KCNJ16: variants seen among roughly 807,000 people sequenced by gnomAD.
KCNJ16 encodes the protein potassium inwardly rectifying channel subfamily J member 16, also known as inward rectifier potassium channel 16.
KCNJ16 carries 15 observed loss-of-function variants against 18.5 expected under a neutral mutation model. The ratio of observed to expected loss-of-function variants is 0.81; its 90% confidence interval spans 0.54 to 1.25. The LOEUF is 1.25. Among genes scored for constraint, KCNJ16 ranks in the 50% most tolerant of loss-of-function variants. The pLI is 0.00. For missense variants in KCNJ16, 523 were observed against 525.7 expected, an observed-to-expected ratio of 0.99 and a Z score of 0.05; for synonymous variants, 174 against 186.5, an observed-to-expected ratio of 0.93 and a Z score of 0.55.
At chr17:70,103,315 T>TACAC (rs1472242886) in intron 2 of KCNJ16, among the ~76,000 whole-genome samples, 2 of 20,852 alleles carry the variant, frequency 9.6e-5, no homozygotes, top group Non-Finnish European at 2.1e-4. Context: ...TATATATATA[T>TACAC]ATATATACAC....
intron 2 of KCNJ16, among the ~76,000 whole-genome samples, chr17:70,130,027 C>T (rs977981129): frequency 2.0e-5 from 3 of 151,978 alleles, no homozygotes; most frequent in East Asian, 1.9e-4. Context: ...AGACTCCCAC[C>T]GTGTGTGTAG....
At chr17:70,083,709 C>A (rs2071661274) in intron 1 of KCNJ16, among the ~76,000 whole-genome samples, 1 of 151,822 alleles carries the variant, frequency 6.6e-6, no homozygotes, top group South Asian at 2.1e-4. Context: ...CAGAATATAT[C>A]CTCATTGTTA....
intron 1 of KCNJ16, among the ~76,000 whole-genome samples, chr17:70,099,276 A>G (rs2072519613): frequency 6.6e-6 from 1 of 152,188 alleles, no homozygotes; most frequent in Non-Finnish European, 1.5e-5. Flanking sequence ...GAGATTTTTC[A>G]CTGCAAGAAA....
At chr17:70,108,143 G>A (rs2073017516) in intron 2 of KCNJ16, among the ~76,000 whole-genome samples, 1 of 152,158 alleles carries the variant, frequency 6.6e-6, no homozygotes, top group Admixed American at 6.5e-5. Context: ...GCATTCAAGG[G>A]TGTGAACCAA....
intron 1 of KCNJ16, among the ~76,000 whole-genome samples, chr17:70,080,504 T>C (rs904268895): frequency 1.3e-5 from 2 of 152,144 alleles, no homozygotes; most frequent in South Asian, 2.1e-4. Context: ...GCCCAGTCAT[T>C]TGTCTTATAG....
intron 3 of KCNJ16, 138 bp downstream of exon 3, chr17:70,131,113 C>T (rs1025533086): frequency 3.0e-6 from 3 of 992,572 alleles, no homozygotes; most frequent in Non-Finnish European, 4.5e-6. Flanking sequence ...TAGCGTGCTC[C>T]CTTTAAGAGG....
chr17:70,103,296 G>GTGTGTGTGTGTGTGTATATATA (rs1408960241), intron 2 of KCNJ16, among the ~76,000 whole-genome samples: 1 of 72,050 alleles, frequency 1.4e-5, no homozygotes, highest in Non-Finnish European at 3.1e-5. Flanking sequence ...ATGTGTGTGT[G>GTGTGTGTGTGTGTGTATATATA]TATATATATA....
chr17:70,126,145 TAC>T (rs2073847301), intron 2 of KCNJ16, among the ~76,000 whole-genome samples: 1 of 152,208 alleles, frequency 6.6e-6, no homozygotes, highest in South Asian at 2.1e-4. Flanking sequence ...CTTGTGTAAC[TAC>T]AGTCTTCTGC....
chr17:70,100,490 C>T (rs1404916481), intron 1 of KCNJ16, among the ~76,000 whole-genome samples, 168 bp from the exon 2 acceptor site: 1 of 152,188 alleles, frequency 6.6e-6, no homozygotes, highest in Non-Finnish European at 1.5e-5. Context: ...AAAAACATTA[C>T]TCTCACTCAC....
At chr17:70,081,719 G>C (rs2071560330) in intron 1 of KCNJ16, among the ~76,000 whole-genome samples, 1 of 152,038 alleles carries the variant, frequency 6.6e-6, no homozygotes, top group Non-Finnish European at 1.5e-5. Flanking sequence ...AGAAGCACAG[G>C]GGTATAGAGC....
intron 2 of KCNJ16, among the ~76,000 whole-genome samples, chr17:70,103,272 T>C (rs1222191555): frequency 4.8e-5 from 3 of 62,078 alleles, no homozygotes; most frequent in Admixed American, 1.8e-4. Flanking sequence ...TATATGTGTA[T>C]ATAATATGCA....
At chr17:70,116,922 C>T (rs959247955) in intron 2 of KCNJ16, among the ~76,000 whole-genome samples, 8 of 152,146 alleles carry the variant, frequency 5.3e-5, no homozygotes, top group African/African-American at 1.9e-4. Flanking sequence ...TAAAACAGAA[C>T]TACTATTCAA....
chr17:70,133,424 T>C lies in KCNJ16; in HGVS notation c.*80T>C. The C allele has an allele frequency of 8.2e-7, 1 of 1,222,902 alleles. No individual in the cohort carries two copies. Among genetic ancestry groups the C allele is most frequent in the African/African-American group, 1.5e-5 (1 of 65,722 alleles). 75.8% of individuals were successfully genotyped at this position (1,222,902 alleles called of 1,614,324 possible). On this transcript the variant is annotated 3_prime_UTR_variant, in exon 4 of 4. Transcript: ENST00000392671. ...CAAGTCGTTGTAAACGTGGCTTTTT[T>C]GAAAGTGTTATGGCTATGTTTTATG...
At chr17:70,091,853 G>C (rs184700825) in intron 1 of KCNJ16, among the ~76,000 whole-genome samples, 41 of 152,142 alleles carry the variant, frequency 2.7e-4, no homozygotes, top group African/African-American at 9.9e-4. Flanking sequence ...ATTTAATCGG[G>C]GAGTGTGGAG....
chr17:70,087,080 G>A (rs996014398), intron 1 of KCNJ16, among the ~76,000 whole-genome samples: 2 of 75,896 alleles, frequency 2.6e-5, no homozygotes, highest in African/African-American at 4.8e-5. Context: ...TTTTTTTTTT[G>A]TATTTTTAGT....
At chr17:70,102,432 T>C (rs2072687760) in intron 2 of KCNJ16, among the ~76,000 whole-genome samples, 1 of 151,928 alleles carries the variant, frequency 6.6e-6, no homozygotes, top group African/African-American at 2.4e-5. Flanking sequence ...TTCACCATAT[T>C]GGCCAGGCTG....
intron 3 of KCNJ16, chr17:70,131,217 A>G (rs2074047316): frequency 1.3e-6 from 1 of 767,294 alleles, no homozygotes; most frequent in Non-Finnish European, 1.9e-6. Flanking sequence ...AAAGAAAGAA[A>G]GAAAAGAAAA....
At chr17:70,104,971 C>G in intron 2 of KCNJ16, 1 of 79,794 alleles carries the variant, frequency 1.3e-5, no homozygotes, top group South Asian at 3.4e-4. Flanking sequence ...CAGAAGGGTA[C>G]TAACAGGGCC....
rs1165032379 is a variant in KCNJ16, at chr17:70,079,292, G to A, written c.-300+3902G>A. On this transcript the variant is annotated intron_variant, in intron 1 of 3. Transcript: ENST00000392671. ...CAGAACTCCTTTCCCAGGAAATCTT[G>A]GCTTTTGCTCTTAAGGGTTGCAACT... Among the ~76,000 whole-genome samples the A allele has an allele frequency of 2.6e-5, 4 of 152,128 alleles. No homozygotes were observed. The East Asian group carries it at 7.7e-4, about 29-fold the overall frequency.
Sources: gnomAD v4.1 joint callset for allele counts (sites outside exome capture counted in the v4.1 genomes callset) on GRCh38, gnomAD v4.1.1 for gene constraint, MANE v1.5 for transcripts, NCBI Gene and HGNC (gene_info 2026-07-23, HGNC 2026-07-21) for gene names.